The following LYN variants were observed in gnomAD, a reference collection of about 807,000 sequenced individuals.
LYN encodes the protein LYN proto-oncogene, Src family tyrosine kinase.
LYN carries 12 observed loss-of-function variants against 65.0 expected under a neutral mutation model. The observed-to-expected ratio is 0.18, with a 90% CI of 0.12 to 0.30. The LOEUF is 0.30. Ranked by LOEUF, LYN falls within the 10% of genes least tolerant of loss-of-function variation. LYN has a pLI of 1.00. For synonymous variants in LYN, 222 were observed against 221.2 expected (o/e 1.00, Z -0.03); for missense variants, 380 against 623.2 (o/e 0.61, Z 4.16).
At chr8:55,960,399 G>A (rs1437521266) in intron 8 of LYN, among the ~76,000 whole-genome samples, 1 of 152,134 alleles carries the variant, frequency 6.6e-6, no homozygotes, top group Non-Finnish European at 1.5e-5. Flanking sequence ...AAAGAAAATA[G>A]AAGAGAAAAA....
At chr8:55,961,736 A>G (rs931570216) in intron 8 of LYN, among the ~76,000 whole-genome samples, 3 of 151,884 alleles carry the variant, frequency 2.0e-5, no homozygotes, top group Non-Finnish European at 4.4e-5. Flanking sequence ...TTTAACTTTT[A>G]TTGCTATGTA....
At position 55,942,014 on chromosome 8, in the gene LYN, G is replaced by T. The variant is rs762013082; in HGVS notation, c.132+23G>T. The T allele has an allele frequency of 3.7e-6, 6 of 1,611,242 alleles. No homozygotes were observed. In the Admixed American group the frequency reaches 1.0e-4, roughly 27 times the overall value. The stretch of plus-strand genomic sequence containing the variant: ...CCAGTAAGTAGATAGTCTCAGGGGA[G>T]AATTCCCACAGCAAGATCAAAGCAT... On this transcript the variant is annotated intron_variant, in intron 2 of 12. Transcript: ENST00000519728.
intron 7 of LYN, among the ~76,000 whole-genome samples, chr8:55,952,952 G>C (rs1806992540): frequency 6.6e-6 from 1 of 152,198 alleles, no homozygotes; most frequent in African/African-American, 2.4e-5. Flanking sequence ...TGTGTAATTG[G>C]AGTCAGTTGA....
At chr8:55,916,226 C>T (rs1015968410) in intron 1 of LYN, among the ~76,000 whole-genome samples, 1 of 152,062 alleles carries the variant, frequency 6.6e-6, no homozygotes, top group Non-Finnish European at 1.5e-5. Context: ...TTTAAAGAGA[C>T]ACTTATTTTG....
chr8:55,960,011 G>A (rs1461705254), intron 8 of LYN, among the ~76,000 whole-genome samples: 1 of 152,164 alleles, frequency 6.6e-6, no homozygotes, highest in Non-Finnish European at 1.5e-5. Context: ...GGGCTGGGGG[G>A]CCTGGGAGTA....
intron 8 of LYN, among the ~76,000 whole-genome samples, chr8:55,961,481 C>T (rs1301918557): frequency 6.6e-6 from 1 of 152,104 alleles, no homozygotes; most frequent in Admixed American, 6.5e-5. Flanking sequence ...TATCACAGCC[C>T]TAAGAGATCA....
chr8:55,887,487 C>T (rs1388722190), intron 1 of LYN, among the ~76,000 whole-genome samples: 2 of 150,012 alleles, frequency 1.3e-5, no homozygotes, highest in African/African-American at 2.5e-5. Flanking sequence ...GAATGAGCAT[C>T]CCATATATAC....
At chr8:56,000,181 G>A (rs992057984) in intron 12 of LYN, among the ~76,000 whole-genome samples, 4 of 152,112 alleles carry the variant, frequency 2.6e-5, no homozygotes, top group African/African-American at 9.7e-5. Flanking sequence ...CAGTCCCCCT[G>A]ACTGGAAGGA....
At chr8:55,924,977 G>A (rs1323049384) in intron 1 of LYN, among the ~76,000 whole-genome samples, 1 of 152,014 alleles carries the variant, frequency 6.6e-6, no homozygotes, top group Non-Finnish European at 1.5e-5. Context: ...AAGTAGCTGG[G>A]ATTATAGACA....
chr8:55,951,392 G>A (rs1043658427), intron 6 of LYN, among the ~76,000 whole-genome samples: 2 of 152,048 alleles, frequency 1.3e-5, no homozygotes, highest in African/African-American at 2.4e-5. Context: ...TAGGCTGGGC[G>A]TGGTGGCTCA....
intron 10 of LYN, among the ~76,000 whole-genome samples, chr8:55,982,770 C>T (rs980364493): frequency 2.6e-5 from 4 of 152,090 alleles, no homozygotes; most frequent in Non-Finnish European, 5.9e-5. Flanking sequence ...CCTCTCCCCT[C>T]GAGCCACTCT....
At chr8:55,958,326 T>G (rs1203402819) in intron 8 of LYN, among the ~76,000 whole-genome samples, 1 of 152,184 alleles carries the variant, frequency 6.6e-6, no homozygotes, top group Admixed American at 6.5e-5. Context: ...AGAAACAAGT[T>G]TAGAAGAGAA....
intron 1 of LYN, among the ~76,000 whole-genome samples, chr8:55,896,084 C>T (rs1276423989): frequency 1.3e-5 from 2 of 151,598 alleles, no homozygotes; most frequent in African/African-American, 2.4e-5. Context: ...TTAAGCATCT[C>T]GTTAGGGGTA....
At chr8:55,942,580 C>T (rs1231004480) in intron 2 of LYN, among the ~76,000 whole-genome samples, 3 of 150,676 alleles carry the variant, frequency 2.0e-5, no homozygotes, top group Admixed American at 1.3e-4. Context: ...AGGTCAGGAG[C>T]TCGAGACCAG....
intron 8 of LYN, among the ~76,000 whole-genome samples, chr8:55,960,122 A>G (rs1033227995): frequency 5.3e-5 from 8 of 152,228 alleles, no homozygotes; most frequent in Admixed American, 3.9e-4. Flanking sequence ...GAATATGCAA[A>G]TAACTGATGA....
In LYN at chr8:55,999,401, C is replaced by T. The variant is rs201666275; in HGVS notation, c.1205-17C>T. The T allele has an allele frequency of 1.9e-6, 3 of 1,611,100 alleles. No individual in the cohort carries two copies. The African/African-American group carries it at 4.0e-5, about 22-fold the overall frequency. ...AGTTTAAATACCCAAGTAAGAACCA[C>T]ATATCTTCTTCCTTAGGTGCTAAGT... On this transcript the variant is annotated splice_polypyrimidine_tract_variant and intron_variant, in intron 11 of 12. Coordinates refer to ENST00000519728, the MANE Select transcript of LYN (RefSeq NM_002350.4).
At chr8:55,925,936 T>A (rs1473210834) in intron 1 of LYN, among the ~76,000 whole-genome samples, 1 of 152,244 alleles carries the variant, frequency 6.6e-6, no homozygotes, top group Admixed American at 6.5e-5. Context: ...CAGTTTAATT[T>A]GATTTTAATA....
chr8:55,927,376 G>T (rs1806136685), intron 1 of LYN, among the ~76,000 whole-genome samples: 1 of 152,098 alleles, frequency 6.6e-6, no homozygotes, highest in Non-Finnish European at 1.5e-5. Context: ...CTTTCACTTA[G>T]TAATATGCAT....
intron 8 of LYN, among the ~76,000 whole-genome samples, chr8:55,960,407 A>C (rs1807240121): frequency 6.6e-6 from 1 of 152,174 alleles, no homozygotes; most frequent in Non-Finnish European, 1.5e-5. Flanking sequence ...TAGAAGAGAA[A>C]AAAATAGAAA....
Sources: allele counts gnomAD v4.1 joint callset (sites outside exome capture counted in the v4.1 genomes callset), GRCh38; gene constraint gnomAD v4.1.1; transcripts MANE v1.5; gene names NCBI Gene and HGNC (gene_info 2026-07-23, HGNC 2026-07-21).